Variants in PIBF1 observed in about 807,000 individuals in gnomAD.
PIBF1 encodes progesterone-induced-blocking factor 1.
PIBF1 carries 90 observed loss-of-function variants against 112.5 expected under a neutral mutation model. That is an observed-to-expected ratio of 0.80 (90% CI 0.67 to 0.95). The LOEUF (loss-of-function observed/expected upper bound fraction) is 0.95. PIBF1 is among the 40% of genes least tolerant of loss of function. The pLI is 0.00. For missense variants in PIBF1, 915 were observed against 852.3 expected (o/e 1.07, Z -0.92); for synonymous variants, 301 against 288.6 (o/e 1.04, Z -0.44).
At chr13:72,926,311 A>G (rs1017905717) in intron 13 of PIBF1, among the ~76,000 whole-genome samples, 1 of 152,254 alleles carries the variant, frequency 6.6e-6, no homozygotes. Flanking sequence ...TAGATTATGT[A>G]CGCATGTGCT....
chr13:72,789,344 C>T (rs1182090585), intron 2 of PIBF1, among the ~76,000 whole-genome samples: 1 of 151,996 alleles, frequency 6.6e-6, no homozygotes, highest in Non-Finnish European at 1.5e-5. Context: ...ACCACCACAC[C>T]CAGCTAATTT....
chr13:72,798,418 A>C (rs1025026155), intron 5 of PIBF1, among the ~76,000 whole-genome samples: 1 of 152,360 alleles, frequency 6.6e-6, no homozygotes, highest in Middle Eastern at 3.4e-3. Context: ...CAAGAAATGT[A>C]GGCCAAGCTA....
At chr13:72,802,498 A>G (rs894069681) in intron 5 of PIBF1, among the ~76,000 whole-genome samples, 1 of 152,150 alleles carries the variant, frequency 6.6e-6, no homozygotes, top group Non-Finnish European at 1.5e-5. Context: ...AGTAGAGCCA[A>G]TAGAAAAAAG....
intron 14 of PIBF1, among the ~76,000 whole-genome samples, chr13:72,957,962 G>A (rs1446945997): frequency 1.3e-5 from 2 of 151,168 alleles, no homozygotes; most frequent in Admixed American, 6.6e-5. Context: ...GGGCAGGGGG[G>A]AAAGAAAGAA....
intron 5 of PIBF1, among the ~76,000 whole-genome samples, chr13:72,808,685 A>G (rs1566296850): frequency 1.3e-5 from 2 of 152,182 alleles, no homozygotes; most frequent in Non-Finnish European, 1.5e-5. Flanking sequence ...GAAATTACCC[A>G]GAGAATTCAG....
At chr13:72,803,876 C>T (rs1026402208) in intron 5 of PIBF1, among the ~76,000 whole-genome samples, 2 of 152,130 alleles carry the variant, frequency 1.3e-5, no homozygotes, top group East Asian at 3.9e-4. Flanking sequence ...TGTCTCTAGA[C>T]TTTTAAAACT....
Position 72,792,562 on chromosome 13 carries a change from T to C in PIBF1, c.353+15T>C. The C allele has an allele frequency of 7.7e-7, 1 of 1,305,268 alleles. No homozygotes were observed. Among genetic ancestry groups the C allele is most frequent in the African/African-American group, 1.5e-5 (1 of 66,368 alleles). The allele number at this position is 1,305,268 out of a possible 1,614,324, so 80.9% of individuals were successfully genotyped here. On this transcript the variant is annotated intron_variant, in intron 3 of 17. Transcript: ENST00000326291. ...AAAGATGCCAGGTAAGAAAAGTTTT[T>C]TTTAAAAAAAAAACAACATCTATTT...
intron 16 of PIBF1, among the ~76,000 whole-genome samples, chr13:72,997,260 G>A (rs566731234): frequency 1.8e-4 from 27 of 152,276 alleles, no homozygotes; most frequent in African/African-American, 5.8e-4. Flanking sequence ...ATCTTGGTAA[G>A]TAGAACAGGA....
At chr13:72,879,841 A>G (rs1030839848) in intron 10 of PIBF1, among the ~76,000 whole-genome samples, 5 of 152,258 alleles carry the variant, frequency 3.3e-5, no homozygotes, top group Non-Finnish European at 7.3e-5. Flanking sequence ...TGAAAATTAT[A>G]TGAAATGTAG....
chr13:72,850,631 T>C (rs141221293), intron 9 of PIBF1, among the ~76,000 whole-genome samples: 88 of 152,350 alleles, frequency 5.8e-4, no homozygotes, highest in Non-Finnish European at 4.6e-4. Flanking sequence ...GTAATTGTGC[T>C]GCCGAAATAA....
At chr13:72,865,561 CTTA>C (rs1388321159) in intron 10 of PIBF1, among the ~76,000 whole-genome samples, 4 of 152,082 alleles carry the variant, frequency 2.6e-5, no homozygotes, top group South Asian at 2.1e-4. Context: ...TACACTGTGT[CTTA>C]TTATTTTTAA....
intron 5 of PIBF1, among the ~76,000 whole-genome samples, chr13:72,808,162 G>A (rs1427114388): frequency 1.3e-5 from 2 of 152,006 alleles, no homozygotes; most frequent in African/African-American, 4.8e-5. Context: ...TTTTTCTCTT[G>A]AGTAAGTACT....
At chr13:72,891,298 T>C (rs2040046186) in intron 10 of PIBF1, among the ~76,000 whole-genome samples, 1 of 152,110 alleles carries the variant, frequency 6.6e-6, no homozygotes, top group South Asian at 2.1e-4. Flanking sequence ...GGATAAATTA[T>C]CTTAAAGATC....
chr13:72,820,309 A>T (rs944066355), intron 5 of PIBF1, among the ~76,000 whole-genome samples: 1 of 152,150 alleles, frequency 6.6e-6, no homozygotes, highest in Non-Finnish European at 1.5e-5. Context: ...AAACAGTGAC[A>T]TGATTAATGA....
intron 13 of PIBF1, among the ~76,000 whole-genome samples, chr13:72,928,421 G>T (rs186938567): frequency 6.6e-6 from 1 of 152,006 alleles, no homozygotes; most frequent in East Asian, 1.9e-4. Context: ...TGGTGTTAAG[G>T]CTTAAGCACT....
At chr13:72,888,284 T>G (rs1269744054) in intron 10 of PIBF1, among the ~76,000 whole-genome samples, 1 of 152,086 alleles carries the variant, frequency 6.6e-6, no homozygotes, top group Non-Finnish European at 1.5e-5. Context: ...AAGATAATAT[T>G]GGGGGAAGGA....
intron 2 of PIBF1, among the ~76,000 whole-genome samples, chr13:72,784,918 G>A (rs1272359967): frequency 6.6e-6 from 1 of 151,894 alleles, no homozygotes; most frequent in East Asian, 1.9e-4. Flanking sequence ...TGTCACCCAG[G>A]CTGGAGTTCA....
chr13:72,851,437 C>T (rs2038149660), intron 9 of PIBF1, among the ~76,000 whole-genome samples: 1 of 152,246 alleles, frequency 6.6e-6, no homozygotes, highest in Non-Finnish European at 1.5e-5. Flanking sequence ...CACCCCAGCC[C>T]CCTGCCACCT....
In PIBF1 at chr13:72,973,655, C is replaced by T; in HGVS notation, c.2029C>T (p.Gln677Ter). The T allele has an allele frequency of 1.3e-6, 2 of 1,558,662 alleles. No homozygotes were observed. Among genetic ancestry groups the T allele is most frequent in the Non-Finnish European group, 1.8e-6 (2 of 1,141,664 alleles). ...TKNQMALDLE[Q>*]LLNHREELAA... ...GAATCAAATGGCATTAGATTTAGAA[C>T]AACTTCTAAATCATCGTGAGGTATT... The change falls in exon 16 of 18, where the codon CAA becomes TAA. Residue 677 changes from glutamine to a stop codon, truncating the protein, a stop_gained. Coordinates refer to ENST00000326291, the MANE Select transcript of PIBF1 (RefSeq NM_006346.4). LOFTEE classifies it high-confidence loss of function.
Sources: gnomAD v4.1 joint callset for allele counts (sites outside exome capture counted in the v4.1 genomes callset) on GRCh38, gnomAD v4.1.1 for gene constraint, MANE v1.5 for transcripts, NCBI Gene and HGNC (gene_info 2026-07-23, HGNC 2026-07-21) for gene names.